Variants in CSNK2A2IP observed in about 807,000 individuals in gnomAD.
CSNK2A2IP encodes the protein casein kinase II subunit alpha'-interacting protein.
the CSNK2A2IP span, among the ~76,000 whole-genome samples, chr3:88,360,313 T>G: frequency 1.4e-4 from 22 of 152,076 alleles, no homozygotes; most frequent in East Asian, 3.9e-4. Flanking sequence ...TTTTGTATTT[T>G]TAGTAGAGAC....
chr3:88,419,124 A>G, the CSNK2A2IP span, among the ~76,000 whole-genome samples: 1 of 152,146 alleles, frequency 6.6e-6, no homozygotes, highest in African/African-American at 2.4e-5. Context: ...AGTCTACAAT[A>G]AGGTGAGTTG....
chr3:88,349,525 C>A, the CSNK2A2IP span, among the ~76,000 whole-genome samples: 1 of 151,970 alleles, frequency 6.6e-6, no homozygotes, highest in Admixed American at 6.6e-5. Context: ...TTTCTTTATC[C>A]ATTCATTGGT....
At chr3:88,342,283 G>A in the CSNK2A2IP span, among the ~76,000 whole-genome samples, 5 of 152,044 alleles carry the variant, frequency 3.3e-5, no homozygotes, top group East Asian at 9.7e-4. Context: ...AAGCTTTTCT[G>A]TACATCGTGA....
At chr3:88,355,853 T>A in the CSNK2A2IP span, among the ~76,000 whole-genome samples, 1 of 152,162 alleles carries the variant, frequency 6.6e-6, no homozygotes. Context: ...TGATTTCTGA[T>A]GTTGGAGGAG....
the CSNK2A2IP span, among the ~76,000 whole-genome samples, chr3:88,426,677 C>T: frequency 9.2e-5 from 14 of 152,158 alleles, no homozygotes; most frequent in Admixed American, 2.0e-4. Context: ...GACTTTCCCC[C>T]CTTTTGCTCA....
the CSNK2A2IP span, among the ~76,000 whole-genome samples, chr3:88,388,721 T>A: frequency 2.0e-5 from 3 of 152,294 alleles, no homozygotes; most frequent in African/African-American, 7.2e-5. Flanking sequence ...TATCCCTGTA[T>A]AGATACAAAC....
chr3:88,347,563 G>C, the CSNK2A2IP span, among the ~76,000 whole-genome samples: 1 of 152,020 alleles, frequency 6.6e-6, no homozygotes, highest in Non-Finnish European at 1.5e-5. Context: ...TAGCAATAAA[G>C]TGTTTTAGAT....
the CSNK2A2IP span, among the ~76,000 whole-genome samples, chr3:88,415,663 C>T: frequency 6.6e-6 from 1 of 151,990 alleles, no homozygotes; most frequent in African/African-American, 2.4e-5. Context: ...ATTCAGTTTA[C>T]ATACATGATC....
At chr3:88,398,508 T>A in the CSNK2A2IP span, among the ~76,000 whole-genome samples, 1 of 152,080 alleles carries the variant, frequency 6.6e-6, no homozygotes, top group Non-Finnish European at 1.5e-5. Flanking sequence ...TAAAATAAAT[T>A]GGGTGCGTAT....
At chr3:88,461,937 C>A in the CSNK2A2IP span, among the ~76,000 whole-genome samples, 4 of 151,704 alleles carry the variant, frequency 2.6e-5, no homozygotes, top group South Asian at 8.3e-4. Context: ...CAGGATTTTG[C>A]CACATTGCCC....
the CSNK2A2IP span, among the ~76,000 whole-genome samples, chr3:88,385,029 A>G: frequency 1.3e-5 from 2 of 152,192 alleles, no homozygotes; most frequent in East Asian, 3.8e-4. Flanking sequence ...GCAGTTAGAT[A>G]TAGAAGTTTA....
chr3:88,340,899 T>C, the CSNK2A2IP span, among the ~76,000 whole-genome samples: 8 of 151,988 alleles, frequency 5.3e-5, no homozygotes, highest in Admixed American at 3.9e-4. Flanking sequence ...ATTTTAAAGC[T>C]GTATTCCAAC....
the CSNK2A2IP span, chr3:88,466,458 C>T: frequency 5.7e-6 from 7 of 1,231,880 alleles, no homozygotes; most frequent in Admixed American, 1.3e-4. Context: ...CAAAAACAAA[C>T]ATCTCAGGTC....
chr3:88,351,923 A>T, the CSNK2A2IP span, among the ~76,000 whole-genome samples: 1 of 152,094 alleles, frequency 6.6e-6, no homozygotes, highest in Non-Finnish European at 1.5e-5. Context: ...TGTTACTGGA[A>T]ATTTTGTCCC....
chr3:88,429,585 A>G, the CSNK2A2IP span, among the ~76,000 whole-genome samples: 1 of 49,746 alleles, frequency 2.0e-5, no homozygotes, highest in Admixed American at 2.1e-4. Context: ...TCTCTGAACG[A>G]GGCTATGTTC....
chr3:88,407,378 ATATGTTTT>A, the CSNK2A2IP span, among the ~76,000 whole-genome samples: 24 of 151,944 alleles, frequency 1.6e-4, no homozygotes, highest in Admixed American at 1.2e-3. Flanking sequence ...AAATGTGTGA[ATATGTTTT>A]TATGTTTTTA....
the CSNK2A2IP span, among the ~76,000 whole-genome samples, chr3:88,407,012 G>A: frequency 2.0e-5 from 3 of 152,158 alleles, no homozygotes; most frequent in African/African-American, 4.8e-5. Flanking sequence ...TTTGTAGCAT[G>A]TAATGCTGTT....
At chr3:88,348,967 T>C in the CSNK2A2IP span, among the ~76,000 whole-genome samples, 1 of 152,010 alleles carries the variant, frequency 6.6e-6, no homozygotes, top group African/African-American at 2.4e-5. Context: ...CGAATTGTTT[T>C]ATTGAGATAC....
At chr3:88,465,948 C>A in the CSNK2A2IP span, 7 of 1,231,502 alleles carry the variant, frequency 5.7e-6, no homozygotes, top group Admixed American at 4.2e-5. Context: ...CCATAAACAT[C>A]ATTTGGACAT....
Sources: gnomAD v4.1 joint callset for allele counts (sites outside exome capture counted in the v4.1 genomes callset) on GRCh38, gnomAD v4.1.1 for gene constraint, MANE v1.5 for transcripts, NCBI Gene and HGNC (gene_info 2026-07-23, HGNC 2026-07-21) for gene names.